DPYS: variants seen among roughly 807,000 people sequenced by gnomAD.
DPYS encodes the protein dihydropyrimidine amidohydrolase.
DPYS carries 39 observed loss-of-function variants against 50.3 expected under a neutral mutation model. That is an observed-to-expected ratio of 0.78 (90% CI 0.60 to 1.01). The LOEUF is 1.01. Ranked by LOEUF, DPYS falls within the 50% of genes least tolerant of loss-of-function variation. The probability of loss-of-function intolerance (pLI) is 0.00; values close to 1 mark genes in which losing one functional copy is unlikely to be tolerated. For missense variants in DPYS, 659 were observed against 680.9 expected (o/e 0.97, Z 0.36); for synonymous variants, 245 against 250.7 (o/e 0.98, Z 0.22).
At chr8:104,463,928 G>T (rs1814258235) in intron 1 of DPYS, among the ~76,000 whole-genome samples, 1 of 152,100 alleles carries the variant, frequency 6.6e-6, no homozygotes, top group African/African-American at 2.4e-5. Context: ...TCCCCATCTG[G>T]TTCACTTTAT....
At chr8:104,394,602 A>G (rs566652827) in intron 7 of DPYS, among the ~76,000 whole-genome samples, 2 of 151,880 alleles carry the variant, frequency 1.3e-5, no homozygotes, top group East Asian at 1.9e-4. Flanking sequence ...CTTTGTTTCA[A>G]TTCTTACCCT....
At chr8:104,381,045 A>T (rs1288068770) in intron 9 of DPYS, 139 bp downstream of exon 9, 16 of 743,018 alleles carry the variant, frequency 2.2e-5, no homozygotes, top group Non-Finnish European at 7.1e-6. Context: ...GCTTTGATCA[A>T]TCTTCCCTTG....
intron 3 of DPYS, among the ~76,000 whole-genome samples, chr8:104,445,332 C>T (rs758889146): frequency 5.9e-5 from 9 of 152,288 alleles, no homozygotes; most frequent in South Asian, 2.1e-4. Flanking sequence ...TTTGTTGCTG[C>T]ACTGTTCACT....
intron 7 of DPYS, among the ~76,000 whole-genome samples, chr8:104,414,181 T>C (rs1419519982): frequency 1.3e-5 from 2 of 152,166 alleles, no homozygotes; most frequent in East Asian, 3.8e-4. Context: ...AGAAAAGGAC[T>C]GTTTGGTTAG....
chr8:104,401,023 C>T (rs1811783256), intron 7 of DPYS, among the ~76,000 whole-genome samples: 1 of 152,120 alleles, frequency 6.6e-6, no homozygotes, highest in Non-Finnish European at 1.5e-5. Context: ...AAGAGAATTT[C>T]CTAGAGTAAT....
chr8:104,381,991 A>G (rs1811068244), intron 8 of DPYS, among the ~76,000 whole-genome samples: 1 of 152,224 alleles, frequency 6.6e-6, no homozygotes, highest in African/African-American at 2.4e-5. Context: ...GATCTAAGTT[A>G]GAATTCTCCA....
chr8:104,392,794 T>A lies in DPYS; in HGVS notation c.1433A>T (p.Gln478Leu). 1 of 1,614,176 alleles carries A rather than the reference T, an allele frequency of 6.2e-7. No homozygotes were observed. The highest frequency in any genetic ancestry group is 8.5e-7 in the Non-Finnish European group (1 of 1,180,016). The change falls in exon 8 of 10, where the codon CAG becomes CTG. Residue 478 changes from glutamine (Q) to leucine (L), a missense_variant. Physicochemically the swap from Gln to Leu is moderately radical, Grantham distance 113. Transcript: ENST00000351513. ...FAEYIYKRIK[Q>L]RDRTCTPTPV... ...CTGTGGCACACTCACCCGGTCTCGCTGCTTTATTCGTTTGTAAATATATTC... is the reference window on the plus strand; with the variant it reads ...CTGTGGCACACTCACCCGGTCTCGCAGCTTTATTCGTTTGTAAATATATTC...
At chr8:104,409,860 C>T (rs1812115850) in intron 7 of DPYS, among the ~76,000 whole-genome samples, 1 of 152,108 alleles carries the variant, frequency 6.6e-6, no homozygotes, top group Non-Finnish European at 1.5e-5. Flanking sequence ...AGTAACTTGC[C>T]CAAGGTCCTG....
chr8:104,382,610 G>C (rs959800561), intron 8 of DPYS, among the ~76,000 whole-genome samples: 4 of 145,796 alleles, frequency 2.7e-5, no homozygotes, highest in African/African-American at 1.0e-4. Context: ...CTTAAACCTA[G>C]GGTGACTGTA....
intron 7 of DPYS, among the ~76,000 whole-genome samples, chr8:104,408,741 A>C (rs1164687909): frequency 6.6e-6 from 1 of 152,212 alleles, no homozygotes; most frequent in African/African-American, 2.4e-5. Flanking sequence ...CCACTAGTCC[A>C]TGCTGTCAGA....
intron 7 of DPYS, among the ~76,000 whole-genome samples, chr8:104,399,199 G>A (rs1200085578): frequency 6.7e-6 from 1 of 149,738 alleles, no homozygotes; most frequent in Non-Finnish European, 1.5e-5. Context: ...GCTGAAGCAG[G>A]AGAATCAGTT....
intron 2 of DPYS, among the ~76,000 whole-genome samples, chr8:104,448,447 C>T (rs749662648): frequency 3.3e-5 from 5 of 152,132 alleles, no homozygotes; most frequent in South Asian, 2.1e-4. Flanking sequence ...TGAGCCTCCG[C>T]GCCCAGCCTC....
intron 2 of DPYS, among the ~76,000 whole-genome samples, chr8:104,450,151 AAGGG>A (rs1491532575): frequency 7.5e-6 from 1 of 133,552 alleles, no homozygotes; most frequent in African/African-American, 3.1e-5. Flanking sequence ...AGAAAGAAGG[AAGGG>A]AGGAAGGGAG....
chr8:104,466,571 G>A (rs1814406335), intron 1 of DPYS, 86 bp downstream of exon 1: 1 of 1,358,648 alleles, frequency 7.4e-7, no homozygotes, highest in Non-Finnish European at 9.5e-7. Context: ...CGCGCGAGGC[G>A]GCCCTGCTGA....
At chr8:104,395,554 A>C (rs1811551125) in intron 7 of DPYS, among the ~76,000 whole-genome samples, 1 of 152,214 alleles carries the variant, frequency 6.6e-6, no homozygotes, top group Non-Finnish European at 1.5e-5. Flanking sequence ...TATAAGTAGA[A>C]TCATAGAGTA....
chr8:104,463,139 T>G (rs1814229013), intron 1 of DPYS, among the ~76,000 whole-genome samples: 1 of 152,254 alleles, frequency 6.6e-6, no homozygotes, highest in African/African-American at 2.4e-5. Context: ...CAAACAGCTA[T>G]TGGTCTAAAC....
At chr8:104,444,484 A>C (rs201332316) in intron 3 of DPYS, 47 bp from the exon 4 acceptor site, 1 of 1,600,312 alleles carries the variant, frequency 6.2e-7, no homozygotes, top group African/African-American at 1.3e-5. Flanking sequence ...AGGTTTACTA[A>C]TGACAGATAT....
At chr8:104,451,089 A>C (rs1377005570) in intron 2 of DPYS, among the ~76,000 whole-genome samples, 157 bp downstream of exon 2, 3 of 152,212 alleles carry the variant, frequency 2.0e-5, no homozygotes. Flanking sequence ...CACAGAATTA[A>C]AAATTCAAAA....
At chr8:104,418,211 C>G (rs899444091) in intron 7 of DPYS, among the ~76,000 whole-genome samples, 2 of 152,204 alleles carry the variant, frequency 1.3e-5, no homozygotes, top group African/African-American at 4.8e-5. Context: ...GGGCTGCGGG[C>G]GCCCCCTTCA....
Sources: gnomAD v4.1 joint callset for allele counts (sites outside exome capture counted in the v4.1 genomes callset) on GRCh38, gnomAD v4.1.1 for gene constraint, MANE v1.5 for transcripts, NCBI Gene and HGNC (gene_info 2026-07-23, HGNC 2026-07-21) for gene names.